RAP1GDS1: variants seen among roughly 807,000 people sequenced by gnomAD.
RAP1GDS1 encodes the protein RAP1, GTP-GDP dissociation stimulator 1.
RAP1GDS1 carries 35 observed loss-of-function variants against 71.1 expected under a neutral mutation model. The observed-to-expected ratio is 0.49, with a 90% CI of 0.38 to 0.65. The LOEUF is 0.65. Ranked by LOEUF, RAP1GDS1 falls within the 30% of genes least tolerant of loss-of-function variation. The pLI is 0.00. For synonymous variants in RAP1GDS1, 229 were observed against 243.1 expected (o/e 0.94, Z 0.54); for missense variants, 663 against 706.1 (o/e 0.94, Z 0.69).
intron 2 of RAP1GDS1, among the ~76,000 whole-genome samples, chr4:98,320,782 A>G (rs1454587490): frequency 6.8e-6 from 1 of 147,894 alleles, no homozygotes; most frequent in Non-Finnish European, 1.5e-5. Flanking sequence ...CATCACCATC[A>G]TCAAAGACCA....
At chr4:98,355,787 G>T (rs190212206) in intron 4 of RAP1GDS1, among the ~76,000 whole-genome samples, 3 of 152,116 alleles carry the variant, frequency 2.0e-5, no homozygotes, top group African/African-American at 7.2e-5. Context: ...TTTCCTAATG[G>T]AAGAAAACGG....
chr4:98,348,489 G>A (rs1201296830), intron 3 of RAP1GDS1, among the ~76,000 whole-genome samples: 1 of 152,142 alleles, frequency 6.6e-6, no homozygotes, highest in Admixed American at 6.5e-5. Flanking sequence ...CCCAGTAATG[G>A]GATTGCTGGG....
At chr4:98,431,429 A>G (rs1249992404) in intron 12 of RAP1GDS1, among the ~76,000 whole-genome samples, 1 of 152,242 alleles carries the variant, frequency 6.6e-6, no homozygotes, top group Non-Finnish European at 1.5e-5. Context: ...CAAATTGACT[A>G]AATGCTAAAT....
intron 7 of RAP1GDS1, among the ~76,000 whole-genome samples, chr4:98,411,932 A>G (rs1368376738): frequency 1.3e-5 from 2 of 152,310 alleles, no homozygotes; most frequent in East Asian, 1.9e-4. Context: ...GAAACGCCCT[A>G]CTTTTAGCAT....
intron 6 of RAP1GDS1, among the ~76,000 whole-genome samples, chr4:98,401,756 A>C (rs1380754085): frequency 1.3e-5 from 2 of 152,168 alleles, no homozygotes; most frequent in Non-Finnish European, 2.9e-5. Context: ...TTAAGTACAG[A>C]TTTTGTTCTA....
chr4:98,443,262 CT>C lies in RAP1GDS1; in HGVS notation c.*1146del, dbSNP rs894588018. Reference sequence around the variant, plus strand: ...AGAGTTTGCCACCTCCACTTTCCCACTGAGAACTGCAGCAATTTTAAAGGAT... The same window carrying C: ...AGAGTTTGCCACCTCCACTTTCCCACGAGAACTGCAGCAATTTTAAAGGAT... On this transcript the variant is annotated 3_prime_UTR_variant, in exon 15 of 15. Transcript: ENST00000408927. 4.3e-6 allele frequency: 1 copy of C among 232,504 alleles called. No homozygotes were observed. The highest frequency in any genetic ancestry group is 8.5e-6 in the Non-Finnish European group (1 of 117,768). The allele number at this position is 232,504 out of a possible 1,614,324, so 14.4% of individuals were successfully genotyped here. A position where few individuals can be genotyped will look rare whatever the true frequency, so the allele number is the denominator to read the frequency against.
intron 2 of RAP1GDS1, among the ~76,000 whole-genome samples, chr4:98,321,772 C>T (rs1175839668): frequency 2.4e-5 from 3 of 124,812 alleles, no homozygotes; most frequent in South Asian, 3.1e-4. Context: ...GAAGGAAGCG[C>T]TAAACATGGA....
intron 1 of RAP1GDS1, among the ~76,000 whole-genome samples, chr4:98,280,850 C>G (rs540688877): frequency 6.6e-6 from 1 of 152,146 alleles, no homozygotes; most frequent in Non-Finnish European, 1.5e-5. Flanking sequence ...TTCCCAGCAC[C>G]GTTTATTAAA....
At chr4:98,371,265 A>T (rs778626512) in intron 4 of RAP1GDS1, among the ~76,000 whole-genome samples, 9 of 151,666 alleles carry the variant, frequency 5.9e-5, no homozygotes, top group Non-Finnish European at 1.2e-4. Context: ...GGCGTGTACC[A>T]CCATCCCCAG....
intron 1 of RAP1GDS1, among the ~76,000 whole-genome samples, chr4:98,274,826 T>C (rs2110238233): frequency 6.6e-6 from 1 of 152,308 alleles, no homozygotes; most frequent in East Asian, 1.9e-4. Flanking sequence ...CCTTGTTTTT[T>C]AGTTGAATGT....
chr4:98,312,491 C>A (rs1212599903), intron 2 of RAP1GDS1, among the ~76,000 whole-genome samples: 6 of 152,128 alleles, frequency 3.9e-5, no homozygotes, highest in African/African-American at 1.4e-4. Context: ...ATTTCCTGAG[C>A]TGGCCCTCAT....
intron 2 of RAP1GDS1, among the ~76,000 whole-genome samples, chr4:98,312,959 C>T (rs527316769): frequency 6.7e-6 from 1 of 148,798 alleles, no homozygotes; most frequent in South Asian, 2.2e-4. Flanking sequence ...GTCCCAGCTG[C>T]TCTGGAGACT....
intron 2 of RAP1GDS1, among the ~76,000 whole-genome samples, chr4:98,312,206 C>T (rs985509816): frequency 6.6e-6 from 1 of 152,152 alleles, no homozygotes; most frequent in African/African-American, 2.4e-5. Flanking sequence ...TTTTGCAATT[C>T]ATGAACACCT....
rs957941341 is a variant in RAP1GDS1 at position 98,320,062 on chromosome 4, A to C, written c.113-23077A>C. On this transcript the variant is annotated intron_variant, in intron 2 of 14. Coordinates refer to ENST00000408927, the MANE Select transcript of RAP1GDS1 (RefSeq NM_001100427.2). ...ATTTTGTCTTCTGTATGATTTTCTT[A>C]ATAACATTTGTTTTTCTGTAGCTTA... is the stretch of plus-strand genomic sequence containing the variant. 2.2e-4 allele frequency among the ~76,000 whole-genome samples: 33 copies of C among 152,268 alleles called. 1 individual carries two copies. The highest frequency in any genetic ancestry group is 1.8e-4 in the Non-Finnish European group (12 of 68,012).
At chr4:98,435,959 T>A (rs2110221514) in intron 13 of RAP1GDS1, among the ~76,000 whole-genome samples, 1 of 151,410 alleles carries the variant, frequency 6.6e-6, no homozygotes, top group East Asian at 1.9e-4. Context: ...TAGTCCCAGC[T>A]ACTTGAGAGG....
At chr4:98,279,692 G>T (rs1232497211) in intron 1 of RAP1GDS1, among the ~76,000 whole-genome samples, 1 of 152,090 alleles carries the variant, frequency 6.6e-6, no homozygotes, top group Non-Finnish European at 1.5e-5. Flanking sequence ...TATGTGCCAT[G>T]TTGGTTTGCT....
Position 98,424,543 on chromosome 4 carries a change from T to C in RAP1GDS1, c.1440+3149T>C, listed in dbSNP as rs544029618. Among the ~76,000 whole-genome samples the C allele has an allele frequency of 7.2e-4, 110 of 152,242 alleles. 1 individual carries two copies. The highest frequency in any genetic ancestry group is 2.6e-3 in the Admixed American group (40 of 15,284). ...TTGGGAGGCCAAGGTAGGTGGATCA[T>C]TGTGGTCAGGAGTTCCAGACCAGCC... is the stretch of plus-strand genomic sequence containing the variant. On this transcript the variant is annotated intron_variant, in intron 12 of 14. Transcript: ENST00000408927.
At chr4:98,311,240 C>A (rs1730172861) in intron 2 of RAP1GDS1, among the ~76,000 whole-genome samples, 1 of 152,098 alleles carries the variant, frequency 6.6e-6, no homozygotes, top group Non-Finnish European at 1.5e-5. Flanking sequence ...CGGGTCTAAT[C>A]TGTAAATAAG....
Position 98,391,977 on chromosome 4 carries a change from T to G in RAP1GDS1, c.534T>G (p.Asn178Lys), listed in dbSNP as rs1419483617. The G allele has an allele frequency of 6.2e-7, 1 of 1,606,060 alleles. No individual in the cohort carries two copies. Among genetic ancestry groups the G allele is most frequent in the Non-Finnish European group, 8.5e-7 (1 of 1,175,402 alleles). ...ATTCGCTTCAAGCTCAGCTTATCAA[T>G]ATGGGTGTTATTCCTACCTTAGTGA... ...ENDSLQAQLI[N>K]MGVIPTLVKL... The change falls in exon 6 of 15, where the codon AAT (asparagine) becomes AAG (lysine). Residue 178 changes from asparagine to lysine, a missense_variant. Physicochemically the swap from Asn to Lys is moderately conservative, Grantham distance 94. Transcript: ENST00000408927.
Sources: gnomAD v4.1 joint callset for allele counts (sites outside exome capture counted in the v4.1 genomes callset) on GRCh38, gnomAD v4.1.1 for gene constraint, MANE v1.5 for transcripts, NCBI Gene and HGNC (gene_info 2026-07-23, HGNC 2026-07-21) for gene names.